Variants in CFAP161 observed in about 807,000 individuals in gnomAD.
The protein encoded by CFAP161 is cilia- and flagella-associated protein 161.
In CFAP161, 25 loss-of-function variants were observed where a neutral mutation model predicts 29.0. That is an observed-to-expected ratio of 0.86 (90% CI 0.63 to 1.20). The LOEUF is 1.20. CFAP161 is among the 50% of genes most tolerant of loss of function. CFAP161 has a pLI of 0.00. For synonymous variants in CFAP161, 116 were observed against 137.4 expected (o/e 0.84, Z 1.09); for missense variants, 367 against 371.9 (o/e 0.99, Z 0.11).
intron 1 of CFAP161, among the ~76,000 whole-genome samples, chr15:81,134,882 A>G (rs1414836547): frequency 6.6e-6 from 1 of 152,124 alleles, no homozygotes; most frequent in Non-Finnish European, 1.5e-5. Context: ...GTATTCTCCC[A>G]AGGGTGGTCT....
chr15:81,144,357 G>A (rs570775528), intron 5 of CFAP161, among the ~76,000 whole-genome samples: 1 of 152,362 alleles, frequency 6.6e-6, no homozygotes, highest in South Asian at 2.1e-4. Context: ...CACTTTGGGA[G>A]GCTAAGGCGG....
At chr15:81,143,040 T>C (rs2141884054) in intron 4 of CFAP161, among the ~76,000 whole-genome samples, 1 of 152,306 alleles carries the variant, frequency 6.6e-6, no homozygotes, top group South Asian at 2.1e-4. Flanking sequence ...TGGCTGGGCA[T>C]GGTCGTTCAC....
At chr15:81,117,079 A>T (rs1164108872) in intron 1 of CFAP161, among the ~76,000 whole-genome samples, 1 of 152,114 alleles carries the variant, frequency 6.6e-6, no homozygotes, top group Non-Finnish European at 1.5e-5. Context: ...ACCTGCCAGG[A>T]AGTGACAATT....
intron 1 of CFAP161, among the ~76,000 whole-genome samples, chr15:81,118,764 G>T (rs1894533736): frequency 6.6e-6 from 1 of 152,360 alleles, no homozygotes; most frequent in South Asian, 2.1e-4. Context: ...ACCCAAGAGA[G>T]AATGTATTTT....
intron 1 of CFAP161, among the ~76,000 whole-genome samples, chr15:81,105,828 T>C (rs1419938478): frequency 1.3e-5 from 2 of 152,166 alleles, no homozygotes; most frequent in African/African-American, 2.4e-5. Context: ...AAATTTATGA[T>C]AATATGAGTG....
intron 5 of CFAP161, among the ~76,000 whole-genome samples, chr15:81,145,452 G>A (rs1894990844): frequency 6.6e-6 from 1 of 152,142 alleles, no homozygotes; most frequent in Admixed American, 6.5e-5. Context: ...GTGCTAATTC[G>A]AAAAGTGCCT....
intron 1 of CFAP161, among the ~76,000 whole-genome samples, chr15:81,100,659 A>AAG (rs953020211): frequency 6.6e-6 from 1 of 152,020 alleles, no homozygotes; most frequent in African/African-American, 2.4e-5. Context: ...TCTTAACAAA[A>AAG]AGAGGTTTAA....
Position 81,148,473 on chromosome 15 carries a change from C to T in CFAP161, c.846C>T (p.Pro282=), listed in dbSNP as rs1895048270. The T allele has an allele frequency of 1.2e-6, 2 of 1,614,058 alleles. No homozygotes were observed. Among genetic ancestry groups the T allele is most frequent in the African/African-American group, 2.7e-5 (2 of 74,908 alleles). ...RDASSSMLDL[P]KPPTEDTRAM... is the part of the protein sequence containing the mutation. ...CCTCGTCCTCCATGTTGGATCTGCC[C>T]AAACCACCCACAGAGGACACTCGAG... The change falls in exon 7 of 7, where the codon CCC becomes CCT. Residue 282 remains proline (P), a synonymous_variant. Coordinates refer to ENST00000286732, the MANE Select transcript of CFAP161 (RefSeq NM_173528.4).
At chr15:81,128,956 G>A (rs1215446838) in intron 2 of CFAP161, among the ~76,000 whole-genome samples, 17 of 137,598 alleles carry the variant, frequency 1.2e-4, no homozygotes, top group South Asian at 2.4e-4. Context: ...TCTGTCTCGA[G>A]AAAAAAAAAA....
intron 1 of CFAP161, among the ~76,000 whole-genome samples, chr15:81,114,084 C>T (rs747792450): frequency 1.4e-4 from 22 of 152,126 alleles, no homozygotes; most frequent in Non-Finnish European, 3.1e-4. Flanking sequence ...TACTAGCAAA[C>T]AAGCAAACAA....
chr15:81,121,246 T>A (rs1894568766), intron 1 of CFAP161, among the ~76,000 whole-genome samples: 1 of 152,208 alleles, frequency 6.6e-6, no homozygotes, highest in African/African-American at 2.4e-5. Flanking sequence ...TATTTTACTT[T>A]AGGACAAAAT....
upstream of CFAP161, among the ~76,000 whole-genome samples, chr15:81,129,691 A>T (rs1894684261): frequency 6.6e-6 from 1 of 152,224 alleles, no homozygotes; most frequent in African/African-American, 2.4e-5. Context: ...GGGGTGCATT[A>T]GCCACTAACA....
At chr15:81,105,932 C>T (rs1894367685) in intron 1 of CFAP161, among the ~76,000 whole-genome samples, 1 of 152,176 alleles carries the variant, frequency 6.6e-6, no homozygotes, top group Admixed American at 6.5e-5. Flanking sequence ...CCTTGTCTAT[C>T]AGGCATTGTC....
chr15:81,126,129 A>G (rs547769709), intron 1 of CFAP161, among the ~76,000 whole-genome samples: 1 of 152,302 alleles, frequency 6.6e-6, no homozygotes, highest in Admixed American at 6.5e-5. Flanking sequence ...TCAGCCTCCC[A>G]AAGTCCTGGG....
intron 1 of CFAP161, among the ~76,000 whole-genome samples, chr15:81,114,370 G>T (rs1894471505): frequency 6.6e-6 from 1 of 152,182 alleles, no homozygotes; most frequent in Admixed American, 6.5e-5. Context: ...GAGCCATTTG[G>T]GCTTTCAGTG....
At chr15:81,145,868 C>A (rs1171880320) in intron 5 of CFAP161, among the ~76,000 whole-genome samples, 1 of 152,092 alleles carries the variant, frequency 6.6e-6, no homozygotes, top group Admixed American at 6.6e-5. Context: ...GAGAGAATCC[C>A]GAGAAGTGAG....
chr15:81,106,820 C>T (rs542760600), intron 1 of CFAP161, among the ~76,000 whole-genome samples: 1 of 152,134 alleles, frequency 6.6e-6, no homozygotes, highest in Admixed American at 6.6e-5. Context: ...AATCCCAGGA[C>T]TTTGGGAGGC....
chr15:81,134,361 G>C lies in CFAP161; in HGVS notation c.32G>C (p.Arg11Pro). 6.3e-7 allele frequency: 1 copy of C among 1,591,502 alleles called. No homozygotes were observed. The highest frequency in any genetic ancestry group is 1.2e-5 in the South Asian group (1 of 86,716). Reference protein sequence around the residue: MAQNVYGPGVRIGNWNEDVYL... With the variant: MAQNVYGPGVPIGNWNEDVYL... ...CAGAACGTGTATGGTCCGGGAGTCC[G>C]GATAGGCAACTGGAATGAGGATGTC... The change falls in exon 1 of 7, where the codon CGG becomes CCG. Residue 11 changes from arginine (R) to proline (P), a missense_variant. Physicochemically the swap from Arg to Pro is moderately radical, Grantham distance 103 (BLOSUM62 -2). Transcript: ENST00000286732.
chr15:81,139,071 G>T (rs1446160749), intron 4 of CFAP161, among the ~76,000 whole-genome samples: 1 of 152,130 alleles, frequency 6.6e-6, no homozygotes, highest in Non-Finnish European at 1.5e-5. Flanking sequence ...GGAGACCAAG[G>T]CAAGAGGATC....
Sources: gnomAD v4.1 joint callset for allele counts (sites outside exome capture counted in the v4.1 genomes callset) on GRCh38, gnomAD v4.1.1 for gene constraint, MANE v1.5 for transcripts, NCBI Gene and HGNC (gene_info 2026-07-23, HGNC 2026-07-21) for gene names.